The following PLEKHH2 variants were observed in gnomAD, a reference collection of about 807,000 sequenced individuals.
PLEKHH2 encodes pleckstrin homology, MyTH4 and FERM domain containing H2, also known as pleckstrin homology domain-containing family H member 2.
Under a neutral mutation model 187.9 loss-of-function variants are expected in PLEKHH2, and 129 were observed. That is an observed-to-expected ratio of 0.69 (90% CI 0.59 to 0.79). The LOEUF (loss-of-function observed/expected upper bound fraction) is 0.79, where lower values mean the gene tolerates loss of function less well. PLEKHH2 is among the 30% of genes least tolerant of loss of function. The pLI, the probability that PLEKHH2 is intolerant of heterozygous loss-of-function variation, is 0.00. For synonymous variants in PLEKHH2, 686 were observed against 605.6 expected, an observed-to-expected ratio of 1.13 and a Z score of -1.95; for missense variants, 2,076 against 1,751.2, an observed-to-expected ratio of 1.19 and a Z score of -3.31.
intron 9 of PLEKHH2, among the ~76,000 whole-genome samples, chr2:43,705,560 G>T (rs1669618703): frequency 6.6e-6 from 1 of 152,004 alleles, no homozygotes; most frequent in African/African-American, 2.4e-5. Flanking sequence ...ACTTAGCTAG[G>T]AAATTACATT....
At chr2:43,686,087 C>T (rs1439096383) in intron 3 of PLEKHH2, among the ~76,000 whole-genome samples, 1 of 152,160 alleles carries the variant, frequency 6.6e-6, no homozygotes, top group Non-Finnish European at 1.5e-5. Flanking sequence ...CTAATCTTCC[C>T]TTTCTGTAAA....
At chr2:43,718,779 C>T (rs1408908801) in intron 15 of PLEKHH2, among the ~76,000 whole-genome samples, 1 of 152,170 alleles carries the variant, frequency 6.6e-6, no homozygotes, top group Non-Finnish European at 1.5e-5. Flanking sequence ...AAACACCCCA[C>T]ACAGCGCTAT....
In PLEKHH2 at chr2:43,758,936, C is replaced by G. The variant is rs1002797113; in HGVS notation, c.3978C>G (p.Ala1326=). ...AGCGACTTTCAACCAGATGGATGGC[C>G]CTCCGGGGACACAGTGCTGCTGACT... ...LCQRLSTRWM[A]LRGHSAADCV... Residue 1326 remains alanine, a synonymous_variant, in exon 27 of 30, where the codon GCC becomes GCG. Coordinates refer to ENST00000282406, the MANE Select transcript of PLEKHH2 (RefSeq NM_172069.4). 6.2e-7 allele frequency: 1 copy of G among 1,601,210 alleles called. No individual in the cohort carries two copies.
chr2:43,675,687 C>T (rs1308800130), intron 2 of PLEKHH2: 1 of 1,613,910 alleles, frequency 6.2e-7, no homozygotes, highest in Non-Finnish European at 8.5e-7. Context: ...CAGATAACTT[C>T]CAAATCACAC....
At chr2:43,736,227 A>ATC (rs1381736948) in intron 19 of PLEKHH2, among the ~76,000 whole-genome samples, 1 of 152,228 alleles carries the variant, frequency 6.6e-6, no homozygotes, top group Non-Finnish European at 1.5e-5. Context: ...GAGGTACAAA[A>ATC]TAAGCAAAAA....
intron 3 of PLEKHH2, among the ~76,000 whole-genome samples, chr2:43,691,901 C>T (rs1001532547): frequency 3.3e-5 from 5 of 152,074 alleles, no homozygotes; most frequent in East Asian, 3.9e-4. Context: ...TGGAATAAGC[C>T]GGACACTTGA....
At chr2:43,702,071 C>A (rs893930030) in intron 8 of PLEKHH2, among the ~76,000 whole-genome samples, 2 of 152,158 alleles carry the variant, frequency 1.3e-5, no homozygotes, top group African/African-American at 4.8e-5. Flanking sequence ...TGCACCTGGT[C>A]TGAAATGATC....
intron 10 of PLEKHH2, among the ~76,000 whole-genome samples, 195 bp from the exon 11 acceptor site, chr2:43,707,206 A>G (rs1669703633): frequency 6.6e-6 from 1 of 151,686 alleles, no homozygotes; most frequent in Non-Finnish European, 1.5e-5. Flanking sequence ...CAAAAAAAAA[A>G]AAAAAAAAAA....
chr2:43,699,620 A>G (rs779806959), intron 7 of PLEKHH2, 27 bp from the exon 8 acceptor site: 3 of 1,592,040 alleles, frequency 1.9e-6, no homozygotes, highest in Non-Finnish European at 1.7e-6. Context: ...TAAAGGCAGC[A>G]TGCTGATATG....
intron 27 of PLEKHH2, 109 bp downstream of exon 27, chr2:43,759,138 C>A: frequency 2.1e-6 from 3 of 1,395,470 alleles, no homozygotes; most frequent in South Asian, 3.4e-5. Context: ...GAAGAAATAT[C>A]CAATAATGTA....
intron 16 of PLEKHH2, among the ~76,000 whole-genome samples, chr2:43,724,430 C>T (rs779865253): frequency 3.9e-5 from 6 of 152,112 alleles, no homozygotes; most frequent in Non-Finnish European, 5.9e-5. Flanking sequence ...TGATGCAGAC[C>T]GTGTATTTTC....
chr2:43,699,757 A>G lies in PLEKHH2; in HGVS notation c.799A>G (p.Thr267Ala), dbSNP rs1290125769. The G allele has an allele frequency of 6.2e-7, 1 of 1,614,252 alleles. No homozygotes were observed. ...CTCAGAACAGAATCGGAAAACAAGA[A>G]CAAGCTTTGCCACAGATGGTGGCAT... Reference protein sequence around the residue: ...CGSEQNRKTRTSFATDGGISQ... With the variant: ...CGSEQNRKTRASFATDGGISQ... The change falls in exon 8 of 30, where the codon ACA (threonine) becomes GCA (alanine). Residue 267 changes from threonine (T) to alanine (A), a missense_variant. By Grantham distance (58) the Thr-to-Ala change is moderately conservative. Coordinates refer to ENST00000282406, the MANE Select transcript of PLEKHH2 (RefSeq NM_172069.4).
In PLEKHH2 at chr2:43,766,153, A is replaced by G. The variant is rs371541863; in HGVS notation, c.*555A>G. 1 of 152,856 alleles carries G rather than the reference A, an allele frequency of 6.5e-6. No homozygotes were observed. Among genetic ancestry groups the G allele is most frequent in the South Asian group, 2.1e-4 (1 of 4,842 alleles). The allele number at this position is 152,856 out of a possible 1,614,324, so 9.5% of individuals were successfully genotyped here. On this transcript the variant is annotated 3_prime_UTR_variant, in exon 30 of 30. Coordinates refer to ENST00000282406, the MANE Select transcript of PLEKHH2 (RefSeq NM_172069.4). ...TGCAGTACATCTTCCGGCTCTATGA[A>G]TCATTATGTGAGAAAGCAGGATAAC...
At chr2:43,759,266 C>G (rs1355781345) in intron 27 of PLEKHH2, among the ~76,000 whole-genome samples, 1 of 152,148 alleles carries the variant, frequency 6.6e-6, no homozygotes, top group Non-Finnish European at 1.5e-5. Flanking sequence ...ATCATGAGTC[C>G]TAAACCACAG....
At chr2:43,666,318 C>T (rs1412938758) in intron 2 of PLEKHH2, among the ~76,000 whole-genome samples, 1 of 151,356 alleles carries the variant, frequency 6.6e-6, no homozygotes, top group Non-Finnish European at 1.5e-5. Flanking sequence ...GGCAATGCCT[C>T]GCCCTGCTTC....
intron 25 of PLEKHH2, among the ~76,000 whole-genome samples, chr2:43,754,199 C>CAAA (rs748378945): frequency 1.1e-3 from 131 of 115,566 alleles, no homozygotes; most frequent in African/African-American, 4.7e-3. Flanking sequence ...CACACACACA[C>CAAA]ACACACAAAA....
At chr2:43,713,697 A>C (rs1295127191) in intron 15 of PLEKHH2, among the ~76,000 whole-genome samples, 1 of 149,742 alleles carries the variant, frequency 6.7e-6, no homozygotes, top group Non-Finnish European at 1.5e-5. Flanking sequence ...TATTGACTTA[A>C]TATTATTTTT....
At chr2:43,678,448 C>T (rs1242327277) in intron 2 of PLEKHH2, among the ~76,000 whole-genome samples, 2 of 152,240 alleles carry the variant, frequency 1.3e-5, no homozygotes, top group Non-Finnish European at 2.9e-5. Context: ...GAGGCTCCGT[C>T]TGCAATCCCG....
rs112195359 is a variant in PLEKHH2 at position 43,639,216 on chromosome 2, C to A, written c.-4+1837C>A. 2.8e-4 allele frequency among the ~76,000 whole-genome samples: 43 copies of A among 152,208 alleles called. 2 individuals are homozygous for A. In the Middle Eastern group the frequency reaches 0.014, roughly 48 times the overall value. On this transcript the variant is annotated intron_variant, in intron 1 of 29. Transcript: ENST00000282406. Reference sequence around the variant, plus strand: ...TCCTAGTATACATCCATTTAAACTGCGACTTTTTCTTTAGTCATTTGTAAA... The same window carrying A: ...TCCTAGTATACATCCATTTAAACTGAGACTTTTTCTTTAGTCATTTGTAAA...
Sources: gnomAD v4.1 joint callset for allele counts (sites outside exome capture counted in the v4.1 genomes callset) on GRCh38, gnomAD v4.1.1 for gene constraint, MANE v1.5 for transcripts, NCBI Gene and HGNC (gene_info 2026-07-23, HGNC 2026-07-21) for gene names.